The following NOX4 variants were observed in gnomAD, a reference collection of about 807,000 sequenced individuals.
NOX4 encodes the protein kidney oxidase-1.
In NOX4, 69 loss-of-function variants were observed where a neutral mutation model predicts 87.6. The observed-to-expected ratio is 0.79, with a 90% CI of 0.65 to 0.96. The LOEUF is 0.96. Ranked by LOEUF, NOX4 falls within the 40% of genes least tolerant of loss-of-function variation. The probability of loss-of-function intolerance (pLI) is 0.00; values close to 1 mark genes in which losing one functional copy is unlikely to be tolerated. For synonymous variants in NOX4, 275 were observed against 238.2 expected (o/e 1.15, Z -1.42); for missense variants, 680 against 681.5 (o/e 1.00, Z 0.02).
the NOX4 span, among the ~76,000 whole-genome samples, chr11:89,555,969 T>C: frequency 6.6e-6 from 1 of 152,122 alleles, no homozygotes; most frequent in Non-Finnish European, 1.5e-5. Flanking sequence ...AAACTAGCAT[T>C]GTTTGCTAAT....
At chr11:89,520,126 G>A in the NOX4 span, among the ~76,000 whole-genome samples, 1 of 152,018 alleles carries the variant, frequency 6.6e-6, no homozygotes, top group East Asian at 1.9e-4. Flanking sequence ...AAAAGGGTTG[G>A]GGAAGGCGTA....
upstream of NOX4, among the ~76,000 whole-genome samples, chr11:89,502,173 G>C (rs1947029375): frequency 6.6e-6 from 1 of 151,962 alleles, no homozygotes; most frequent in Non-Finnish European, 1.5e-5. Flanking sequence ...TGGACACCTG[G>C]GTTGTTAGAA....
At chr11:89,374,620 A>C (rs191751566) in intron 11 of NOX4, among the ~76,000 whole-genome samples, 9 of 152,290 alleles carry the variant, frequency 5.9e-5, no homozygotes, top group Non-Finnish European at 1.5e-5. Context: ...GACAAGACAA[A>C]ATTTGGATCC....
chr11:89,481,118 C>T (rs559295238), intron 2 of NOX4, among the ~76,000 whole-genome samples: 1 of 152,132 alleles, frequency 6.6e-6, no homozygotes, highest in Non-Finnish European at 1.5e-5. Flanking sequence ...ATTTATTAAG[C>T]ACCCTTGTGA....
intron 17 of NOX4, among the ~76,000 whole-genome samples, chr11:89,333,381 C>T (rs1945557998): frequency 6.6e-6 from 1 of 151,810 alleles, no homozygotes; most frequent in Non-Finnish European, 1.5e-5. Flanking sequence ...ATATATCACA[C>T]ACACACACAT....
the NOX4 span, among the ~76,000 whole-genome samples, chr11:89,529,977 G>C: frequency 2.0e-5 from 3 of 151,974 alleles, no homozygotes; most frequent in East Asian, 1.9e-4. Context: ...CACAAGAAAA[G>C]AACTGTAATG....
chr11:89,502,560 T>C (rs1947033812), upstream of NOX4, among the ~76,000 whole-genome samples: 1 of 151,982 alleles, frequency 6.6e-6, no homozygotes, highest in Admixed American at 6.6e-5. Context: ...TAGCCAAGAA[T>C]GGATTGACTC....
chr11:89,534,560 A>G, the NOX4 span, among the ~76,000 whole-genome samples: 1 of 152,082 alleles, frequency 6.6e-6, no homozygotes, highest in Non-Finnish European at 1.5e-5. Context: ...ATCACATCCC[A>G]CTGGGCAAGG....
the NOX4 span, among the ~76,000 whole-genome samples, chr11:89,518,920 G>T: frequency 3.3e-5 from 5 of 151,928 alleles, no homozygotes; most frequent in Non-Finnish European, 7.4e-5. Flanking sequence ...TCACTGAAAA[G>T]ATGAGCAATA....
intron 2 of NOX4, among the ~76,000 whole-genome samples, chr11:89,455,590 C>T: frequency 6.6e-6 from 1 of 151,982 alleles, no homozygotes; most frequent in East Asian, 1.9e-4. Flanking sequence ...TATTTACAAT[C>T]TTTGTGGTTA....
intron 6 of NOX4, among the ~76,000 whole-genome samples, chr11:89,438,820 A>ACTAATATTACTAATAT (rs1944273217): frequency 2.1e-5 from 1 of 48,490 alleles, no homozygotes; most frequent in Non-Finnish European, 2.9e-5. Context: ...TATATATATT[A>ACTAATATTACTAATAT]TATAATATCT....
At chr11:89,536,317 C>A in the NOX4 span, among the ~76,000 whole-genome samples, 1 of 151,576 alleles carries the variant, frequency 6.6e-6, no homozygotes, top group Non-Finnish European at 1.5e-5. Context: ...CGGGTAATTT[C>A]TTGTATTTTT....
chr11:89,397,571 G>C (rs1941573728), intron 11 of NOX4, among the ~76,000 whole-genome samples: 1 of 151,912 alleles, frequency 6.6e-6, no homozygotes, highest in Non-Finnish European at 1.5e-5. Context: ...TAGACTGCTA[G>C]CAAGAATAAT....
the NOX4 span, among the ~76,000 whole-genome samples, chr11:89,550,451 G>T: frequency 2.6e-5 from 4 of 152,104 alleles, no homozygotes; most frequent in African/African-American, 9.7e-5. Context: ...TTCCCATAAT[G>T]CTGGGATTAC....
At chr11:89,481,556 T>C (rs1294269833) in intron 2 of NOX4, among the ~76,000 whole-genome samples, 1 of 152,044 alleles carries the variant, frequency 6.6e-6, no homozygotes, top group Non-Finnish European at 1.5e-5. Context: ...ACAATTGAAA[T>C]TCATATCCAT....
intron 13 of NOX4, among the ~76,000 whole-genome samples, chr11:89,352,550 A>G (rs1426369779): frequency 6.6e-6 from 1 of 152,228 alleles, no homozygotes; most frequent in Non-Finnish European, 1.5e-5. Flanking sequence ...AAGAACATTC[A>G]TGATTCATGG....
the NOX4 span, among the ~76,000 whole-genome samples, chr11:89,504,584 G>A: frequency 6.6e-6 from 1 of 151,820 alleles, no homozygotes; most frequent in Non-Finnish European, 1.5e-5. Flanking sequence ...TTACATATTT[G>A]GAAACTAGGG....
At chr11:89,582,991 A>C in the NOX4 span, among the ~76,000 whole-genome samples, 1 of 152,180 alleles carries the variant, frequency 6.6e-6, no homozygotes, top group African/African-American at 2.4e-5. Context: ...ACTGAATCAC[A>C]TACAAGCAAC....
Position 89,432,763 on chromosome 11 carries a change from AT to A in NOX4, c.548+20del. ...AATAACCTGACAGATACACATCAAAATAATTGATTCTGACACTTACCTTATT... is the reference window on the plus strand; with the variant it reads ...AATAACCTGACAGATACACATCAAAAAATTGATTCTGACACTTACCTTATT... On this transcript the variant is annotated intron_variant, in intron 7 of 17. Coordinates refer to ENST00000263317, the MANE Select transcript of NOX4 (RefSeq NM_016931.5). 1 of 1,553,544 alleles carries A rather than the reference AT, an allele frequency of 6.4e-7. No individual in the cohort carries two copies. The highest frequency in any genetic ancestry group is 1.1e-5 in the South Asian group (1 of 89,362).
Sources: allele counts gnomAD v4.1 joint callset (sites outside exome capture counted in the v4.1 genomes callset), GRCh38; gene constraint gnomAD v4.1.1; transcripts MANE v1.5; gene names NCBI Gene and HGNC (gene_info 2026-07-23, HGNC 2026-07-21).